The following STXBP5L variants were observed in gnomAD, a reference collection of about 807,000 sequenced individuals.
STXBP5L encodes the protein syntaxin-binding protein 5-like.
Under a neutral mutation model 144.5 loss-of-function variants are expected in STXBP5L, and 65 were observed. That is an observed-to-expected ratio of 0.45 (90% CI 0.37 to 0.55). The LOEUF is 0.55. Among genes scored for constraint, STXBP5L ranks in the 20% least tolerant of loss-of-function variants. The probability of loss-of-function intolerance (pLI) is 0.00; values close to 1 mark genes in which losing one functional copy is unlikely to be tolerated. For synonymous variants in STXBP5L, 505 were observed against 469.6 expected (o/e 1.08, Z -0.97); for missense variants, 1,298 against 1,405.5 (o/e 0.92, Z 1.22).
At chr3:120,995,218 G>A (rs1943243348) in intron 3 of STXBP5L, among the ~76,000 whole-genome samples, 1 of 152,070 alleles carries the variant, frequency 6.6e-6, no homozygotes. Flanking sequence ...CATGATCATG[G>A]CTCACAGCAA....
At chr3:120,990,175 G>A (rs973757801) in intron 3 of STXBP5L, among the ~76,000 whole-genome samples, 2 of 152,084 alleles carry the variant, frequency 1.3e-5, no homozygotes, top group Non-Finnish European at 2.9e-5. Context: ...CAGACAAACA[G>A]AGAGCCAAAT....
chr3:121,290,334 C>G (rs1274142823), intron 19 of STXBP5L, among the ~76,000 whole-genome samples: 1 of 152,028 alleles, frequency 6.6e-6, no homozygotes, highest in Non-Finnish European at 1.5e-5. Flanking sequence ...AATATACAAC[C>G]CTCCTGGATT....
At chr3:120,964,841 T>C (rs1483353538) in intron 3 of STXBP5L, among the ~76,000 whole-genome samples, 1 of 152,204 alleles carries the variant, frequency 6.6e-6, no homozygotes, top group Non-Finnish European at 1.5e-5. Context: ...ACCTTCTGTC[T>C]CATTGATCTG....
chr3:121,193,056 T>C (rs147737451), intron 9 of STXBP5L, among the ~76,000 whole-genome samples: 1 of 141,422 alleles, frequency 7.1e-6, no homozygotes, highest in African/African-American at 2.6e-5. Context: ...TGGGAGAAAA[T>C]TTTTACAATC....
intron 9 of STXBP5L, among the ~76,000 whole-genome samples, chr3:121,175,172 T>C (rs1201878430): frequency 1.3e-5 from 2 of 152,144 alleles, no homozygotes; most frequent in African/African-American, 2.4e-5. Context: ...CTGGACAAAC[T>C]GTAGGAGACA....
At chr3:121,087,283 A>T (rs978959363) in intron 5 of STXBP5L, among the ~76,000 whole-genome samples, 3 of 152,062 alleles carry the variant, frequency 2.0e-5, no homozygotes, top group African/African-American at 7.2e-5. Flanking sequence ...AGAGGTATTG[A>T]AGTCTCCTAC....
chr3:121,233,059 A>G (rs1050099978), intron 11 of STXBP5L, among the ~76,000 whole-genome samples: 7 of 152,194 alleles, frequency 4.6e-5, no homozygotes, highest in African/African-American at 1.4e-4. Flanking sequence ...CTGGGAGTCC[A>G]TGGCAACTGA....
chr3:121,354,706 T>G (rs904902122), intron 20 of STXBP5L, among the ~76,000 whole-genome samples: 4 of 152,122 alleles, frequency 2.6e-5, no homozygotes, highest in Admixed American at 1.3e-4. Flanking sequence ...AGGTTAATAT[T>G]GTTATGTGTG....
At chr3:121,146,664 C>T (rs1465630002) in intron 7 of STXBP5L, among the ~76,000 whole-genome samples, 2 of 151,950 alleles carry the variant, frequency 1.3e-5, no homozygotes, top group Non-Finnish European at 2.9e-5. Flanking sequence ...AGTATGTAAA[C>T]CATAACCAAA....
At chr3:121,308,902 C>T (rs1211419622) in intron 19 of STXBP5L, among the ~76,000 whole-genome samples, 1 of 152,034 alleles carries the variant, frequency 6.6e-6, no homozygotes, top group Non-Finnish European at 1.5e-5. Flanking sequence ...ATTTCTGTAT[C>T]TCACTGGAAT....
intron 2 of STXBP5L, among the ~76,000 whole-genome samples, chr3:120,910,778 T>A (rs911382249): frequency 8.5e-5 from 13 of 152,286 alleles, no homozygotes; most frequent in Non-Finnish European, 1.8e-4. Context: ...TCAGCCTATA[T>A]TCCTAGCAGG....
intron 2 of STXBP5L, 138 bp from the exon 3 acceptor site, chr3:120,954,802 C>G (rs1415746409): frequency 5.3e-6 from 3 of 562,842 alleles, no homozygotes; most frequent in Non-Finnish European, 9.0e-6. Context: ...GTTACTCCAT[C>G]TCTGTGTTAA....
chr3:121,343,945 A>G lies in STXBP5L; in HGVS notation c.2176+25405A>G, dbSNP rs2044839739. On this transcript the variant is annotated intron_variant, in intron 20 of 26. Coordinates refer to ENST00000471454, the MANE Select transcript of STXBP5L (RefSeq NM_001308330.2). ...AAAAAGAGCCTGCATCACCAAGTCAATCCTAAGCCAAAAGAACAAAGCTGG... is the reference window on the plus strand; with the variant it reads ...AAAAAGAGCCTGCATCACCAAGTCAGTCCTAAGCCAAAAGAACAAAGCTGG... Among the ~76,000 whole-genome samples, 6 of 152,236 alleles carry G rather than the reference A, an allele frequency of 3.9e-5. No homozygotes were observed. In the South Asian group the frequency reaches 8.3e-4, roughly 21 times the overall value.
chr3:121,299,187 C>T (rs538913144), intron 19 of STXBP5L, among the ~76,000 whole-genome samples: 14 of 152,220 alleles, frequency 9.2e-5, no homozygotes, highest in Non-Finnish European at 1.3e-4. Flanking sequence ...CATCTATCAT[C>T]GTCATTTTTT....
chr3:121,391,949 A>G (rs1250629807), intron 22 of STXBP5L, among the ~76,000 whole-genome samples: 4 of 152,214 alleles, frequency 2.6e-5, no homozygotes, highest in Admixed American at 1.3e-4. Flanking sequence ...GCTATCAGAC[A>G]GGGACGTTTA....
intron 2 of STXBP5L, among the ~76,000 whole-genome samples, chr3:120,941,383 G>A (rs1168347799): frequency 6.6e-6 from 1 of 151,528 alleles, no homozygotes; most frequent in South Asian, 2.1e-4. Flanking sequence ...TAAAAATGTA[G>A]GTGCTCATTC....
intron 5 of STXBP5L, among the ~76,000 whole-genome samples, chr3:121,076,181 C>T (rs2107676604): frequency 6.6e-6 from 1 of 152,170 alleles, no homozygotes; most frequent in African/African-American, 2.4e-5. Flanking sequence ...TGGGCATGGC[C>T]CGACCTAAGG....
rs548578799 is a variant in STXBP5L at position 121,262,638 on chromosome 3, C to T, written c.1958+3470C>T. Among the ~76,000 whole-genome samples, 71 of 152,190 alleles carry T rather than the reference C, an allele frequency of 4.7e-4. No individual in the cohort carries two copies. The South Asian group carries it at 9.7e-3, about 21-fold the overall frequency. ...ACTCCATCTCAAAAAAAAAAGTCAC[C>T]TGAATCATATATGGGTGAGACTCAA... On this transcript the variant is annotated intron_variant, in intron 18 of 26. Transcript: ENST00000471454.
chr3:121,119,267 C>T (rs988380604), intron 6 of STXBP5L, among the ~76,000 whole-genome samples: 2 of 151,314 alleles, frequency 1.3e-5, no homozygotes, highest in Non-Finnish European at 3.0e-5. Context: ...TAGTAACTTT[C>T]CTTATGTAGG....
Sources: gnomAD v4.1 joint callset for allele counts (sites outside exome capture counted in the v4.1 genomes callset) on GRCh38, gnomAD v4.1.1 for gene constraint, MANE v1.5 for transcripts, NCBI Gene and HGNC (gene_info 2026-07-23, HGNC 2026-07-21) for gene names.